FAM200B: variants seen among roughly 807,000 people sequenced by gnomAD.
The protein encoded by FAM200B is zinc finger BED-type containing 11, also known as protein FAM200B.
In FAM200B, 32 loss-of-function variants were observed where a neutral mutation model predicts 33.1. That is an observed-to-expected ratio of 0.97 (90% CI 0.73 to 1.30). The LOEUF (loss-of-function observed/expected upper bound fraction) is 1.30. Among genes scored for constraint, FAM200B ranks in the 50% most tolerant of loss-of-function variants. FAM200B has a pLI of 0.00. For synonymous variants in FAM200B, 240 were observed against 264.8 expected (o/e 0.91, Z 0.91); for missense variants, 741 against 754.0 (o/e 0.98, Z 0.20).
Position 15,687,330 on chromosome 4 carries a change from C to T in FAM200B, c.353C>T (p.Pro118Leu), listed in dbSNP as rs1243138449. 1.8e-5 allele frequency: 28 copies of T among 1,545,498 alleles called. No individual in the cohort carries two copies. Among genetic ancestry groups the T allele is most frequent in the Non-Finnish European group, 2.4e-5 (27 of 1,143,620 alleles). The change falls in exon 2 of 2, where the codon CCT becomes CTT. Residue 118 changes from proline to leucine, a missense_variant. Coordinates refer to ENST00000422728, the MANE Select transcript of FAM200B (RefSeq NM_001145191.2). ...CAGCATGCTGAACTTATTGATAAGC[C>T]TCTTGAATATTTTCAAAGAAAGAAA... ...ETQHAELIDK[P>L]LEYFQRKKKD...
the FAM200B span, among the ~76,000 whole-genome samples, chr4:15,665,218 G>C: frequency 2.0e-5 from 3 of 152,132 alleles, no homozygotes; most frequent in Admixed American, 6.5e-5. Context: ...ATTGTTAAAA[G>C]GGTTCCAGTG....
the FAM200B span, among the ~76,000 whole-genome samples, chr4:15,650,657 CTTTCT>C: frequency 6.0e-5 from 8 of 132,674 alleles, no homozygotes; most frequent in South Asian, 4.7e-4. Context: ...TTATAACTGA[CTTTCT>C]TTTTTTTTTT....
rs1304788686 is a variant in FAM200B at position 15,689,029 on chromosome 4, C to CTA, written c.*81_*82dup. 110 of 1,044,312 alleles carry CTA rather than the reference C, an allele frequency of 1.1e-4. No homozygotes were observed. Among genetic ancestry groups the CTA allele is most frequent in the Non-Finnish European group, 1.4e-4 (108 of 777,046 alleles). The allele number at this position is 1,044,312 out of a possible 1,614,324, so 64.7% of individuals were successfully genotyped here. On this transcript the variant is annotated 3_prime_UTR_variant, in exon 2 of 2. Coordinates refer to ENST00000422728, the MANE Select transcript of FAM200B (RefSeq NM_001145191.2). ...TTTTCTATGTTATATTTAAATGGTA[C>CTA]TATAATACTGTGATACTTTTGTTAT... is the stretch of plus-strand genomic sequence containing the variant.
the FAM200B span, among the ~76,000 whole-genome samples, chr4:15,646,313 C>T: frequency 6.6e-6 from 1 of 151,866 alleles, no homozygotes. Context: ...ATGCTTGGCT[C>T]TTAAGCCACA....
At chr4:15,644,068 G>T in the FAM200B span, among the ~76,000 whole-genome samples, 1 of 152,186 alleles carries the variant, frequency 6.6e-6, no homozygotes, top group Non-Finnish European at 1.5e-5. Context: ...TGCTGAATTG[G>T]TTTAGTGAAA....
At chr4:15,645,711 G>A in the FAM200B span, among the ~76,000 whole-genome samples, 16 of 152,294 alleles carry the variant, frequency 1.1e-4, 1 homozygote, top group Admixed American at 2.0e-4. Context: ...ACAGGTATAA[G>A]CTACCACGCC....
At chr4:15,673,277 A>G in the FAM200B span, among the ~76,000 whole-genome samples, 1 of 151,850 alleles carries the variant, frequency 6.6e-6, no homozygotes, top group East Asian at 1.9e-4. Context: ...CTGTCTCTAC[A>G]AAAAATACAA....
the FAM200B span, among the ~76,000 whole-genome samples, chr4:15,644,977 G>A: frequency 6.6e-5 from 10 of 152,172 alleles, no homozygotes; most frequent in African/African-American, 2.4e-4. Context: ...TTAAAGAGAA[G>A]AGATTAAACC....
chr4:15,649,666 T>C, the FAM200B span, among the ~76,000 whole-genome samples: 1 of 152,084 alleles, frequency 6.6e-6, no homozygotes, highest in East Asian at 1.9e-4. Context: ...TATAAATAGT[T>C]TTTAAAATTG....
chr4:15,679,586 C>T (rs375433786), upstream of FAM200B, among the ~76,000 whole-genome samples: 1 of 142,650 alleles, frequency 7.0e-6, no homozygotes, highest in Non-Finnish European at 1.5e-5. Flanking sequence ...AACAAAAAAA[C>T]AAAAAACCAA....
At chr4:15,640,888 A>G in the FAM200B span, 27 of 1,379,322 alleles carry the variant, frequency 2.0e-5, 1 homozygote, top group South Asian at 3.9e-4. Flanking sequence ...TTCATTCTGG[A>G]AACCAAAAAA....
At chr4:15,660,898 G>GA in the FAM200B span, among the ~76,000 whole-genome samples, 1 of 151,946 alleles carries the variant, frequency 6.6e-6, no homozygotes, top group Non-Finnish European at 1.5e-5. Context: ...GCAACATGGC[G>GA]AAACTCCATC....
chr4:15,648,717 GA>G, the FAM200B span, among the ~76,000 whole-genome samples: 1 of 152,130 alleles, frequency 6.6e-6, no homozygotes, highest in African/African-American at 2.4e-5. Context: ...AGGGGATGGA[GA>G]AAATGGGGAG....
At chr4:15,640,892 CAAA>C in the FAM200B span, 6 of 1,213,932 alleles carry the variant, frequency 4.9e-6, no homozygotes, top group Non-Finnish European at 6.6e-6. Flanking sequence ...TTCTGGAAAC[CAAA>C]AAAAAAATAC....
intron 1 of FAM200B, 136 bp downstream of exon 1, chr4:15,682,037 A>G (rs1049155256): frequency 6.6e-6 from 1 of 152,286 alleles, no homozygotes; most frequent in South Asian, 2.1e-4. Context: ...AGCAGAAGCA[A>G]TCCGGGCCTG....
intron 1 of FAM200B, among the ~76,000 whole-genome samples, chr4:15,686,000 A>G (rs1718809123): frequency 1.3e-5 from 2 of 152,140 alleles, no homozygotes; most frequent in South Asian, 4.1e-4. Context: ...ATACTTTCCA[A>G]GTCCTGATGC....
Position 15,687,326 on chromosome 4 carries a change from A to T in FAM200B, c.349A>T (p.Lys117Ter). 1 of 1,545,582 alleles carries T rather than the reference A, an allele frequency of 6.5e-7. No individual in the cohort carries two copies. Among genetic ancestry groups the T allele is most frequent in the Non-Finnish European group, 8.7e-7 (1 of 1,143,576 alleles). Residue 117 changes from lysine (K) to a stop codon, truncating the protein, a stop_gained, in exon 2 of 2, where the codon AAG (lysine) becomes TAG (stop). Transcript: ENST00000422728. LOFTEE classifies it high-confidence loss of function. ...AACTCAGCATGCTGAACTTATTGAT[A>T]AGCCTCTTGAATATTTTCAAAGAAA... is the stretch of plus-strand genomic sequence containing the variant. ...LETQHAELID[K>*]PLEYFQRKKK...
chr4:15,679,331 T>TTC (rs1277982831), upstream of FAM200B, among the ~76,000 whole-genome samples: 2 of 152,026 alleles, frequency 1.3e-5, no homozygotes, highest in East Asian at 3.9e-4. Context: ...GGATTACAGG[T>TTC]GTGAGCCACC....
Position 15,688,345 on chromosome 4 carries a change from T to C in FAM200B, c.1368T>C (p.His456=). 1 of 1,550,334 alleles carries C rather than the reference T, an allele frequency of 6.5e-7. No homozygotes were observed. The highest frequency in any genetic ancestry group is 8.7e-7 in the Non-Finnish European group (1 of 1,145,834). ...GGAAAAACAGTGATGTATTCCAACA[T>C]GTTGAACGTATCCAGGGATTTCGAA... ...LQGKNSDVFQ[H]VERIQGFRKT... is the part of the protein sequence containing the mutation. The change falls in exon 2 of 2, where the codon CAT becomes CAC. Residue 456 remains histidine (H), a synonymous_variant. Transcript: ENST00000422728.
Sources: allele counts gnomAD v4.1 joint callset (sites outside exome capture counted in the v4.1 genomes callset), GRCh38; gene constraint gnomAD v4.1.1; transcripts MANE v1.5; gene names NCBI Gene and HGNC (gene_info 2026-07-23, HGNC 2026-07-21).